Variants in DCUN1D2 observed in about 807,000 individuals in gnomAD.
The protein encoded by DCUN1D2 is defective in cullin neddylation 1 domain containing 2, also known as DCN1-like protein 2.
In DCUN1D2, 29 loss-of-function variants were observed where a neutral mutation model predicts 30.9. The ratio of observed to expected loss-of-function variants is 0.94; its 90% CI spans 0.70 to 1.28. The LOEUF is 1.28. DCUN1D2 is among the 50% of genes most tolerant of loss of function. The pLI is 0.00. For synonymous variants in DCUN1D2, 121 were observed against 115.3 expected (o/e 1.05, Z -0.32); for missense variants, 325 against 316.9 (o/e 1.03, Z -0.19).
chr13:113,475,624 T>C (rs2044603606), intron 3 of DCUN1D2, among the ~76,000 whole-genome samples: 2 of 152,136 alleles, frequency 1.3e-5, no homozygotes, highest in Admixed American at 1.3e-4. Flanking sequence ...TGGTGGCTCA[T>C]TCCTGTAATC....
chr13:113,463,615 C>T (rs2044353789), intron 4 of DCUN1D2, among the ~76,000 whole-genome samples: 1 of 152,038 alleles, frequency 6.6e-6, no homozygotes, highest in African/African-American at 2.4e-5. Context: ...TATGTTGTTT[C>T]TTACATTAAA....
At chr13:113,477,926 C>T (rs1353367065) in intron 3 of DCUN1D2, among the ~76,000 whole-genome samples, 1 of 152,146 alleles carries the variant, frequency 6.6e-6, no homozygotes, top group Non-Finnish European at 1.5e-5. Flanking sequence ...GGTCAGTTTC[C>T]TGATACTGTG....
chr13:113,474,722 G>C (rs182488618), intron 3 of DCUN1D2, among the ~76,000 whole-genome samples: 1 of 152,150 alleles, frequency 6.6e-6, no homozygotes, highest in Non-Finnish European at 1.5e-5. Context: ...AGATGGCAGA[G>C]ACGAGGTAAT....
At position 113,479,708 on chromosome 13, in the gene DCUN1D2, G is replaced by A. The variant is rs140657562; in HGVS notation, c.389+867C>T. Among the ~76,000 whole-genome samples the A allele has an allele frequency of 1.3e-3, 203 of 152,286 alleles. 5 individuals are homozygous for A. The highest frequency in any genetic ancestry group is 0.012 in the Admixed American group (177 of 15,298). On this transcript the variant is annotated intron_variant, in intron 3 of 6. Transcript: ENST00000478244. ...ACTGCACTCCATCCTGGGTGACAGA[G>A]TAAGACTCCATCTCAAAAAACAAAC...
At chr13:113,470,867 G>T (rs1028098823) in intron 4 of DCUN1D2, among the ~76,000 whole-genome samples, 10 of 146,886 alleles carry the variant, frequency 6.8e-5, no homozygotes, top group Non-Finnish European at 1.5e-4. Context: ...CAAATCCACA[G>T]GGAACCCAGC....
chr13:113,473,255 C>T (rs983266249), intron 4 of DCUN1D2, among the ~76,000 whole-genome samples: 8 of 152,250 alleles, frequency 5.3e-5, no homozygotes, highest in African/African-American at 1.9e-4. Context: ...TGTGCCTGTT[C>T]CTCTGTGCAA....
At chr13:113,470,183 AC>A (rs113921893) in intron 4 of DCUN1D2, among the ~76,000 whole-genome samples, 13 of 152,284 alleles carry the variant, frequency 8.5e-5, no homozygotes, top group African/African-American at 3.1e-4. Context: ...AATCCTCACC[AC>A]CGTGTTACGG....
At chr13:113,484,772 C>T (rs1454858892) in intron 1 of DCUN1D2, among the ~76,000 whole-genome samples, 1 of 152,132 alleles carries the variant, frequency 6.6e-6, no homozygotes, top group Admixed American at 6.5e-5. Context: ...CATCTTGACA[C>T]TTTCAGATAT....
chr13:113,480,302 A>C (rs1269149436), intron 3 of DCUN1D2, among the ~76,000 whole-genome samples: 1 of 152,200 alleles, frequency 6.6e-6, no homozygotes, highest in Non-Finnish European at 1.5e-5. Flanking sequence ...TGTCAATTCA[A>C]AATTGGAAAG....
chr13:113,463,399 T>TTC (rs2044349212), intron 4 of DCUN1D2, among the ~76,000 whole-genome samples: 1 of 151,998 alleles, frequency 6.6e-6, no homozygotes, highest in Non-Finnish European at 1.5e-5. Flanking sequence ...AACATCAAGA[T>TTC]TCTCAAAGCT....
rs777829030 is a variant in DCUN1D2 at position 113,490,584 on chromosome 13, C to T, written c.3+83G>A. The T allele has an allele frequency of 8.5e-7, 1 of 1,176,188 alleles. No homozygotes were observed. Among genetic ancestry groups the T allele is most frequent in the East Asian group, 3.6e-5 (1 of 28,108 alleles). The allele number at this position is 1,176,188 out of a possible 1,614,324, so 72.9% of individuals were successfully genotyped here. On this transcript the variant is annotated intron_variant, in intron 1 of 6. Transcript: ENST00000478244. The surrounding 1 kb of genome is among the most constrained non-coding windows in gnomAD (Gnocchi z 5.2). Reference sequence around the variant, plus strand: ...GCAGCTCGCTGGGCTCGGCCTCCCACATCCAGCGCGCCGCCTGCGCCGACC... The same window carrying T: ...GCAGCTCGCTGGGCTCGGCCTCCCATATCCAGCGCGCCGCCTGCGCCGACC...
chr13:113,456,553 G>C lies in DCUN1D2; in HGVS notation c.*1476C>G, dbSNP rs1430626169. On this transcript the variant is annotated 3_prime_UTR_variant, in exon 7 of 7. Transcript: ENST00000478244. Reference sequence around the variant, plus strand: ...TCCACGTCCTGCACAGTGCTGCAGGGGGGCAGCAAGGCACGCCTGTGACAT... The same window carrying C: ...TCCACGTCCTGCACAGTGCTGCAGGCGGGCAGCAAGGCACGCCTGTGACAT... The C allele has an allele frequency of 2.5e-6, 1 of 396,348 alleles. No homozygotes were observed. Among genetic ancestry groups the C allele is most frequent in the East Asian group, 3.6e-5 (1 of 27,946 alleles). The allele number at this position is 396,348 out of a possible 1,614,324, so 24.6% of individuals were successfully genotyped here.
intron 4 of DCUN1D2, among the ~76,000 whole-genome samples, chr13:113,465,359 A>G (rs2044383673): frequency 6.6e-6 from 1 of 152,214 alleles, no homozygotes; most frequent in Admixed American, 6.5e-5. Context: ...AAAGTAAAGC[A>G]TGACCCAGAC....
intron 4 of DCUN1D2, among the ~76,000 whole-genome samples, chr13:113,466,728 G>A (rs529685008): frequency 6.6e-6 from 1 of 152,040 alleles, no homozygotes; most frequent in South Asian, 2.1e-4. Flanking sequence ...AGCTGGTTAA[G>A]GCTGGAAGCT....
At chr13:113,464,847 T>A (rs939703234) in intron 4 of DCUN1D2, among the ~76,000 whole-genome samples, 20 of 152,250 alleles carry the variant, frequency 1.3e-4, no homozygotes, top group Non-Finnish European at 2.6e-4. Flanking sequence ...TGCGCAGTCA[T>A]TACTAACCCA....
At chr13:113,470,308 T>C (rs775298799) in intron 4 of DCUN1D2, among the ~76,000 whole-genome samples, 9 of 152,180 alleles carry the variant, frequency 5.9e-5, no homozygotes, top group African/African-American at 9.6e-5. Context: ...TTTGCAAACA[T>C]GCGCCCTGTG....
In DCUN1D2 at chr13:113,461,051, T is replaced by C; in HGVS notation, c.603+3A>G. On this transcript the variant is annotated splice_donor_region_variant and intron_variant, in intron 5 of 6. Coordinates refer to ENST00000478244, the MANE Select transcript of DCUN1D2 (RefSeq NM_001014283.2). ...ACACAGCGAGATGCAGGAGGACACTTACCATTAAGAATGTGTTCCAGAGAT... is the reference window on the plus strand; with the variant it reads ...ACACAGCGAGATGCAGGAGGACACTCACCATTAAGAATGTGTTCCAGAGAT... 1 of 1,596,822 alleles carries C rather than the reference T, an allele frequency of 6.3e-7. No homozygotes were observed. Among genetic ancestry groups the C allele is most frequent in the Non-Finnish European group, 8.6e-7 (1 of 1,165,912 alleles).
Position 113,458,042 on chromosome 13 carries a change from C to A in DCUN1D2, c.767G>T (p.Arg256Leu). ...YARPVVTGGK[R>L]SLF ...TTAACTTGCTGCCTAGAAAAGGCTG[C>A]GTTTTCCACCTGTGACTACTGGCCG... Residue 256 changes from arginine (R) to leucine (L), a missense_variant, in exon 7 of 7, where the codon CGC (arginine) becomes CTC (leucine). Coordinates refer to ENST00000478244, the MANE Select transcript of DCUN1D2 (RefSeq NM_001014283.2). 1.2e-6 allele frequency: 2 copies of A among 1,614,034 alleles called. No homozygotes were observed. Among genetic ancestry groups the A allele is most frequent in the Non-Finnish European group, 1.7e-6 (2 of 1,179,922 alleles).
chr13:113,474,140 T>C lies in DCUN1D2; in HGVS notation c.504A>G (p.Pro168=). The C allele has an allele frequency of 6.2e-7, 1 of 1,614,102 alleles. No homozygotes were observed. The highest frequency in any genetic ancestry group is 8.5e-7 in the Non-Finnish European group (1 of 1,179,942). ...YQFTFTFAKN[P]GQKGLDLEMA... is the part of the protein sequence containing the mutation. ...CATACTCACCTAAACCTTTCTGCCC[T>C]GGGTTCTTAGCGAAGGTGAAGGTAA... Residue 168 remains proline, a synonymous_variant, in exon 4 of 7, where the codon CCA becomes CCG. Coordinates refer to ENST00000478244, the MANE Select transcript of DCUN1D2 (RefSeq NM_001014283.2).
Sources: allele counts gnomAD v4.1 joint callset (sites outside exome capture counted in the v4.1 genomes callset), GRCh38; gene constraint gnomAD v4.1.1; non-coding constraint Gnocchi (gnomAD v3.1); transcripts MANE v1.5; gene names NCBI Gene and HGNC (gene_info 2026-07-23, HGNC 2026-07-21).